MYO5B: variants seen among roughly 807,000 people sequenced by gnomAD.
MYO5B encodes the protein unconventional myosin-Vb.
In MYO5B, 143 loss-of-function variants were observed where a neutral mutation model predicts 229.3. That is an observed-to-expected ratio of 0.62 (90% CI 0.54 to 0.72). The LOEUF (loss-of-function observed/expected upper bound fraction) is 0.72, where lower values mean the gene tolerates loss of function less well. Ranked by LOEUF, MYO5B falls within the 30% of genes least tolerant of loss-of-function variation. The pLI is 0.00. For synonymous variants in MYO5B, 918 were observed against 885.2 expected, an observed-to-expected ratio of 1.04 and a Z score of -0.66; for missense variants, 2,321 against 2,331.0, an observed-to-expected ratio of 1.00 and a Z score of 0.09.
chr18:50,106,679 G>C (rs901782802), intron 1 of MYO5B, among the ~76,000 whole-genome samples: 5 of 152,154 alleles, frequency 3.3e-5, no homozygotes, highest in Admixed American at 6.5e-5. Context: ...TCCAACTCCC[G>C]AGGCCTGGGG....
At chr18:50,070,472 G>T (rs2030930142) in intron 1 of MYO5B, among the ~76,000 whole-genome samples, 1 of 151,836 alleles carries the variant, frequency 6.6e-6, no homozygotes, top group Non-Finnish European at 1.5e-5. Flanking sequence ...AGACATTTTT[G>T]ATTATCACAA....
chr18:50,103,610 A>T (rs2031696462), intron 1 of MYO5B, among the ~76,000 whole-genome samples: 1 of 152,138 alleles, frequency 6.6e-6, no homozygotes, highest in Non-Finnish European at 1.5e-5. Flanking sequence ...TCAGCCAGAC[A>T]CGGTGGTGTG....
rs557468083 is a variant in MYO5B at position 50,165,095 on chromosome 18, C to A, written c.27+29672G>T. On this transcript the variant is annotated intron_variant, in intron 1 of 39. Transcript: ENST00000285039. ...AAATCAACAGAGAATCAAGGGTTGA[C>A]CTGCAGGTTTACAAGTCTGGAAAGT... Among the ~76,000 whole-genome samples, 34 of 152,320 alleles carry A rather than the reference C, an allele frequency of 2.2e-4. 1 individual carries two copies. The South Asian group carries it at 7.0e-3, about 32-fold the overall frequency.
At chr18:49,876,425 C>T (rs1010091188) in intron 25 of MYO5B, 13 of 191,878 alleles carry the variant, frequency 6.8e-5, no homozygotes, top group Non-Finnish European at 5.5e-5. Context: ...TGTACAAACA[C>T]GTCTATCTGC....
chr18:49,954,986 T>G (rs1278982628), intron 12 of MYO5B, among the ~76,000 whole-genome samples: 3 of 152,182 alleles, frequency 2.0e-5, no homozygotes, highest in Admixed American at 2.0e-4. Context: ...ACAATCAAGC[T>G]CTTACACATG....
chr18:50,122,486 C>T (rs113598433), intron 1 of MYO5B, among the ~76,000 whole-genome samples: 3,253 of 132,536 alleles, frequency 0.025, 141 homozygotes, highest in African/African-American at 0.087. Flanking sequence ...TGGCAGGTGC[C>T]TATGATCCCA....
At chr18:49,990,346 C>T (rs1296678281) in intron 7 of MYO5B, 93 bp downstream of exon 7, 15 of 1,057,002 alleles carry the variant, frequency 1.4e-5, no homozygotes, top group African/African-American at 3.1e-5. Flanking sequence ...GAGACAAGAA[C>T]CCATGACGGA....
chr18:50,020,627 G>A (rs2026263669), intron 4 of MYO5B, among the ~76,000 whole-genome samples: 1 of 152,212 alleles, frequency 6.6e-6, no homozygotes, highest in African/African-American at 2.4e-5. Context: ...ATGGACCCAG[G>A]AGTCAGAAGA....
At chr18:50,189,416 C>A (rs888981344) in intron 1 of MYO5B, among the ~76,000 whole-genome samples, 2 of 152,188 alleles carry the variant, frequency 1.3e-5, no homozygotes, top group East Asian at 3.8e-4. Flanking sequence ...AGAGCTGTTC[C>A]ATTCTCAAGG....
chr18:49,932,960 T>C (rs968164693), intron 16 of MYO5B, among the ~76,000 whole-genome samples: 6 of 152,010 alleles, frequency 3.9e-5, no homozygotes, highest in Non-Finnish European at 8.8e-5. Flanking sequence ...CATAGAAAAA[T>C]CACCAAAGAC....
At chr18:49,875,270 G>A (rs1192134234) in intron 26 of MYO5B, among the ~76,000 whole-genome samples, 1 of 152,142 alleles carries the variant, frequency 6.6e-6, no homozygotes, top group Non-Finnish European at 1.5e-5. Context: ...ACACACACTT[G>A]GTCTGCCTCT....
intron 12 of MYO5B, among the ~76,000 whole-genome samples, chr18:49,958,122 G>T (rs1341347124): frequency 1.3e-5 from 2 of 152,068 alleles, no homozygotes; most frequent in Non-Finnish European, 2.9e-5. Flanking sequence ...CCCATACCTG[G>T]GTGGCTGGAT....
chr18:50,023,304 C>T (rs923502316), intron 4 of MYO5B, among the ~76,000 whole-genome samples: 1 of 152,082 alleles, frequency 6.6e-6, no homozygotes, highest in Non-Finnish European at 1.5e-5. Flanking sequence ...GCCTACATGA[C>T]CTAGACAAGT....
intron 12 of MYO5B, 93 bp from the exon 13 acceptor site, chr18:49,954,528 T>G: frequency 6.5e-7 from 1 of 1,531,126 alleles, no homozygotes; most frequent in Non-Finnish European, 9.0e-7. Context: ...AGGCTGGCTC[T>G]GTGAAGGTTG....
intron 32 of MYO5B, among the ~76,000 whole-genome samples, chr18:49,848,735 A>T (rs2024162474): frequency 6.6e-6 from 1 of 152,166 alleles, no homozygotes; most frequent in East Asian, 1.9e-4. Flanking sequence ...CTTGAAGCCA[A>T]GAGACTAGGA....
chr18:49,882,351 T>A (rs767338371), intron 22 of MYO5B, among the ~76,000 whole-genome samples: 27,799 of 92,172 alleles, frequency 0.3, 2,764 homozygotes, highest in East Asian at 0.57. Context: ...CCCGGCCAGG[T>A]ACCGTGCGTG....
intron 1 of MYO5B, among the ~76,000 whole-genome samples, chr18:50,120,547 G>C (rs1008081397): frequency 6.6e-6 from 1 of 152,154 alleles, no homozygotes; most frequent in Non-Finnish European, 1.5e-5. Flanking sequence ...TTTGTCTACC[G>C]TCCTCAGCCC....
chr18:50,108,480 T>C (rs1038615622), intron 1 of MYO5B, among the ~76,000 whole-genome samples: 1 of 152,244 alleles, frequency 6.6e-6, no homozygotes, highest in Non-Finnish European at 1.5e-5. Context: ...GTTTCTCCTA[T>C]GTTTTTAACA....
intron 4 of MYO5B, among the ~76,000 whole-genome samples, chr18:50,029,260 C>G (rs532865177): frequency 6.6e-6 from 1 of 152,096 alleles, no homozygotes. Context: ...CAGGAGGTCA[C>G]AGAACGAGAG....
Sources: allele counts gnomAD v4.1 joint callset (sites outside exome capture counted in the v4.1 genomes callset), GRCh38; gene constraint gnomAD v4.1.1; transcripts MANE v1.5; gene names NCBI Gene and HGNC (gene_info 2026-07-23, HGNC 2026-07-21).